The following KCNK1 variants were observed in gnomAD, a reference collection of about 807,000 sequenced individuals.
The protein encoded by KCNK1 is potassium channel subfamily K member 1.
In KCNK1, 10 loss-of-function variants were observed where a neutral mutation model predicts 22.2. That is an observed-to-expected ratio of 0.45 (90% CI 0.28 to 0.76). The LOEUF (loss-of-function observed/expected upper bound fraction) is 0.76. Ranked by LOEUF, KCNK1 falls within the 30% of genes least tolerant of loss-of-function variation. KCNK1 has a pLI of 0.14. For missense variants in KCNK1, 378 were observed against 421.0 expected, an observed-to-expected ratio of 0.90 and a Z score of 0.89; for synonymous variants, 200 against 186.4, an observed-to-expected ratio of 1.07 and a Z score of -0.60.
chr1:233,621,010 A>G (rs911378698), intron 1 of KCNK1, among the ~76,000 whole-genome samples: 2 of 152,176 alleles, frequency 1.3e-5, no homozygotes, highest in Non-Finnish European at 2.9e-5. Context: ...CAACTTCTCT[A>G]CTTAGGTCCC....
chr1:233,661,373 A>G (rs1034086034), intron 1 of KCNK1, among the ~76,000 whole-genome samples: 2 of 152,222 alleles, frequency 1.3e-5, no homozygotes, highest in South Asian at 2.1e-4. Flanking sequence ...AATTGATGCC[A>G]TGTCCCAACT....
At chr1:233,616,336 G>A (rs1198878646) in intron 1 of KCNK1, among the ~76,000 whole-genome samples, 5 of 152,132 alleles carry the variant, frequency 3.3e-5, no homozygotes, top group South Asian at 2.1e-4. Flanking sequence ...GGGATTTTTC[G>A]TGACTCATGT....
intron 1 of KCNK1, among the ~76,000 whole-genome samples, chr1:233,661,001 G>A (rs192127165): frequency 6.6e-5 from 10 of 152,254 alleles, no homozygotes; most frequent in South Asian, 2.1e-4. Flanking sequence ...TATTTATAGA[G>A]TAGAAATAAC....
At chr1:233,654,879 G>C (rs1288027484) in intron 1 of KCNK1, among the ~76,000 whole-genome samples, 1 of 152,222 alleles carries the variant, frequency 6.6e-6, no homozygotes, top group East Asian at 1.9e-4. Context: ...AGAAGTAATT[G>C]GGGCTGCCAC....
intron 1 of KCNK1, among the ~76,000 whole-genome samples, chr1:233,651,970 A>G (rs1418449792): frequency 2.0e-5 from 3 of 152,238 alleles, no homozygotes; most frequent in Non-Finnish European, 2.9e-5. Context: ...TGACCTGGAC[A>G]TTTCATTTAG....
At chr1:233,659,770 T>C (rs984017747) in intron 1 of KCNK1, among the ~76,000 whole-genome samples, 3 of 152,152 alleles carry the variant, frequency 2.0e-5, no homozygotes, top group Non-Finnish European at 1.5e-5. Context: ...TGGCCCATTA[T>C]TGACTGAAAC....
At chr1:233,666,368 G>C (rs1179606707) in intron 1 of KCNK1, among the ~76,000 whole-genome samples, 3 of 152,166 alleles carry the variant, frequency 2.0e-5, no homozygotes, top group African/African-American at 7.2e-5. Flanking sequence ...TGGAATTGCT[G>C]GTTGGATTTT....
At chr1:233,645,877 A>G (rs1406509109) in intron 1 of KCNK1, among the ~76,000 whole-genome samples, 2 of 152,236 alleles carry the variant, frequency 1.3e-5, no homozygotes, top group Non-Finnish European at 2.9e-5. Flanking sequence ...AGTAGAACCA[A>G]CAGGATGTGC....
chr1:233,657,891 A>G (rs1475052400), intron 1 of KCNK1, among the ~76,000 whole-genome samples: 1 of 152,202 alleles, frequency 6.6e-6, no homozygotes, highest in Non-Finnish European at 1.5e-5. Flanking sequence ...CTGGACTGTC[A>G]ACCAGGTACT....
At chr1:233,637,363 T>C (rs543106969) in intron 1 of KCNK1, 1 of 152,290 alleles carries the variant, frequency 6.6e-6, no homozygotes, top group African/African-American at 2.4e-5. Context: ...TTTTTATGGA[T>C]GGGAGATGTG....
At chr1:233,651,109 G>T (rs1658195179) in intron 1 of KCNK1, among the ~76,000 whole-genome samples, 2 of 152,208 alleles carry the variant, frequency 1.3e-5, no homozygotes, top group African/African-American at 2.4e-5. Flanking sequence ...TGGAAATTCA[G>T]CATCAAGTAA....
chr1:233,636,655 G>A (rs1278852907), intron 1 of KCNK1: 3 of 152,562 alleles, frequency 2.0e-5, no homozygotes, highest in African/African-American at 4.8e-5. Context: ...AAGAAGTTGG[G>A]TGTGTGGGTC....
intron 1 of KCNK1, among the ~76,000 whole-genome samples, chr1:233,662,235 TCTC>T (rs1298658057): frequency 5.7e-4 from 67 of 118,390 alleles, no homozygotes; most frequent in Non-Finnish European, 9.5e-4. Flanking sequence ...TTCTTCTTCT[TCTC>T]CTTCTTCTTC....
chr1:233,661,055 T>G (rs188935287), intron 1 of KCNK1, among the ~76,000 whole-genome samples: 10 of 152,334 alleles, frequency 6.6e-5, no homozygotes, highest in Non-Finnish European at 8.8e-5. Context: ...ACAATTATTC[T>G]GCATACACTA....
intron 1 of KCNK1, among the ~76,000 whole-genome samples, chr1:233,625,166 A>C (rs1239450321): frequency 6.6e-6 from 1 of 152,210 alleles, no homozygotes; most frequent in East Asian, 1.9e-4. Flanking sequence ...GGTGTGTAAA[A>C]AATAGGATTG....
chr1:233,614,564 C>G, intron 1 of KCNK1, 38 bp downstream of exon 1: 1 of 1,478,644 alleles, frequency 6.8e-7, no homozygotes, highest in Non-Finnish European at 9.1e-7. Context: ...GCCCCGGCCA[C>G]CTCGCCCACA....
At chr1:233,643,140 C>G (rs1172443536) in intron 1 of KCNK1, among the ~76,000 whole-genome samples, 2 of 151,960 alleles carry the variant, frequency 1.3e-5, no homozygotes, top group South Asian at 2.1e-4. Context: ...TAGAGCTGAT[C>G]TCTGAGCCAC....
intron 1 of KCNK1, among the ~76,000 whole-genome samples, chr1:233,628,262 G>A (rs1330692499): frequency 6.6e-6 from 1 of 152,122 alleles, no homozygotes; most frequent in Non-Finnish European, 1.5e-5. Context: ...GTCCAACCTC[G>A]AAGATGGAAA....
intron 1 of KCNK1, among the ~76,000 whole-genome samples, chr1:233,639,561 AG>A (rs1339420969): frequency 3.9e-5 from 6 of 152,232 alleles, no homozygotes; most frequent in African/African-American, 1.4e-4. Flanking sequence ...TATTTAAACT[AG>A]AAGAATCCTA....
Sources: allele counts gnomAD v4.1 joint callset (sites outside exome capture counted in the v4.1 genomes callset), GRCh38; gene constraint gnomAD v4.1.1; transcripts MANE v1.5; gene names NCBI Gene and HGNC (gene_info 2026-07-23, HGNC 2026-07-21).